The following IRAK3 variants were observed in gnomAD, a reference collection of about 807,000 sequenced individuals.
IRAK3 encodes the protein interleukin-1 receptor-associated kinase 3.
IRAK3 carries 57 observed loss-of-function variants against 56.6 expected under a neutral mutation model. That is an observed-to-expected ratio of 1.01 (90% CI 0.81 to 1.26). The LOEUF is 1.26. IRAK3 is among the 50% of genes most tolerant of loss of function. The pLI, the probability that IRAK3 is intolerant of heterozygous loss-of-function variation, is 0.00. For missense variants in IRAK3, 703 were observed against 719.0 expected (o/e 0.98, Z 0.25); for synonymous variants, 258 against 255.7 (o/e 1.01, Z -0.09).
intron 8 of IRAK3, among the ~76,000 whole-genome samples, chr12:66,233,154 C>G (rs2136943220): frequency 6.6e-6 from 1 of 152,236 alleles, no homozygotes; most frequent in Middle Eastern, 3.4e-3. Context: ...TTTACTGAAA[C>G]AGCTACAGCA....
At chr12:66,241,659 A>G (rs1049029608) in intron 8 of IRAK3, among the ~76,000 whole-genome samples, 1 of 152,194 alleles carries the variant, frequency 6.6e-6, no homozygotes, top group Non-Finnish European at 1.5e-5. Context: ...CTGGACTCAA[A>G]ATTTATGTTA....
chr12:66,214,553 A>G (rs2052647551), intron 5 of IRAK3, among the ~76,000 whole-genome samples: 1 of 151,822 alleles, frequency 6.6e-6, no homozygotes, highest in East Asian at 1.9e-4. Context: ...ACAAAACAAA[A>G]CAAAACAAAA....
intron 1 of IRAK3, among the ~76,000 whole-genome samples, chr12:66,200,210 G>A (rs2052493419): frequency 6.6e-6 from 1 of 152,206 alleles, no homozygotes; most frequent in African/African-American, 2.4e-5. Flanking sequence ...ATGACCTTGT[G>A]TATATCAGTC....
chr12:66,252,655 T>A lies in IRAK3; in HGVS notation c.*4484T>A, dbSNP rs1319614760. Reference sequence around the variant, plus strand: ...TGGAAACCAGCAAAGCTCACTGCCCTCATGGAGCTTATATGTAAGTGAATA... The same window carrying A: ...TGGAAACCAGCAAAGCTCACTGCCCACATGGAGCTTATATGTAAGTGAATA... On this transcript the variant is annotated 3_prime_UTR_variant, in exon 12 of 12. Coordinates refer to ENST00000261233, the MANE Select transcript of IRAK3 (RefSeq NM_007199.3). 1.3e-5 allele frequency: 2 copies of A among 152,220 alleles called. No individual in the cohort carries two copies. Among genetic ancestry groups the A allele is most frequent in the Admixed American group, 1.3e-4 (2 of 15,282 alleles). 9.4% of individuals were successfully genotyped at this position (152,220 alleles called of 1,614,324 possible).
At chr12:66,193,094 G>A (rs1257171553) in intron 1 of IRAK3, among the ~76,000 whole-genome samples, 7 of 151,920 alleles carry the variant, frequency 4.6e-5, no homozygotes, top group South Asian at 2.1e-4. Flanking sequence ...CGCAACCTCC[G>A]CCTCCCGGGT....
intron 2 of IRAK3, among the ~76,000 whole-genome samples, chr12:66,208,345 A>G (rs2052577281): frequency 8.6e-6 from 1 of 116,452 alleles, no homozygotes; most frequent in African/African-American, 4.5e-5. Context: ...ACACACACAA[A>G]CACACACACA....
At chr12:66,195,420 T>C (rs1350253168) in intron 1 of IRAK3, among the ~76,000 whole-genome samples, 1 of 152,202 alleles carries the variant, frequency 6.6e-6, no homozygotes, top group African/African-American at 2.4e-5. Context: ...GTAAAGCATA[T>C]GCTATCATTG....
At chr12:66,204,404 A>C (rs997316807) in intron 2 of IRAK3, among the ~76,000 whole-genome samples, 1 of 152,172 alleles carries the variant, frequency 6.6e-6, no homozygotes, top group African/African-American at 2.4e-5. Flanking sequence ...TTTACACCAC[A>C]GCGTTTAACC....
chr12:66,192,478 T>C (rs117524875), intron 1 of IRAK3, among the ~76,000 whole-genome samples: 7 of 152,270 alleles, frequency 4.6e-5, no homozygotes, highest in Non-Finnish European at 1.0e-4. Context: ...TTACCATAGA[T>C]TGGTATTTAA....
intron 5 of IRAK3, among the ~76,000 whole-genome samples, chr12:66,212,902 GA>G (rs1321689908): frequency 6.6e-6 from 1 of 152,098 alleles, no homozygotes; most frequent in Non-Finnish European, 1.5e-5. Flanking sequence ...GAAATGGGAG[GA>G]AGAGTATTAG....
At chr12:66,204,775 T>TGC (rs142792546) in intron 2 of IRAK3, among the ~76,000 whole-genome samples, 1,106 of 87,820 alleles carry the variant, frequency 0.013, 2 homozygotes, top group African/African-American at 0.02. Flanking sequence ...CATGAGCCCT[T>TGC]GCGCACACAC....
chr12:66,245,092 T>C lies in IRAK3; in HGVS notation c.1150-6T>C. On this transcript the variant is annotated splice_region_variant and splice_polypyrimidine_tract_variant and intron_variant, in intron 10 of 11. Transcript: ENST00000261233. ...CTGTGATAAAATTGTCTCCCTCTCT[T>C]CCAAGCGGGATCTCCTTAGAGAATT... is the stretch of plus-strand genomic sequence containing the variant. 1 of 1,614,074 alleles carries C rather than the reference T, an allele frequency of 6.2e-7. No individual in the cohort carries two copies. Among genetic ancestry groups the C allele is most frequent in the Non-Finnish European group, 8.5e-7 (1 of 1,179,950 alleles).
intron 1 of IRAK3, among the ~76,000 whole-genome samples, chr12:66,192,417 C>T (rs1209844992): frequency 1.3e-5 from 2 of 152,094 alleles, no homozygotes; most frequent in Admixed American, 1.3e-4. Context: ...ACGTTACAGA[C>T]ATGATAACGT....
rs2136910846 is a variant in IRAK3 at position 66,193,606 on chromosome 12, A to C, written c.133+4174A>C. On this transcript the variant is annotated intron_variant, in intron 1 of 11. Transcript: ENST00000261233. ...TATCCTCTGGCTCTTCTTGGCTGTG[A>C]TGGTTTCTCAGACTTTCCTCGTTTT... 4.7e-5 allele frequency among the ~76,000 whole-genome samples: 5 copies of C among 106,964 alleles called. 1 individual carries two copies. In the East Asian group the frequency reaches 1.4e-3, roughly 30 times the overall value. 70.2% of individuals were successfully genotyped at this position (106,964 alleles called of 152,430 possible). A position where few individuals can be genotyped will look rare whatever the true frequency, so the allele number is the denominator to read the frequency against.
At chr12:66,239,376 A>T (rs961249197) in intron 8 of IRAK3, among the ~76,000 whole-genome samples, 2 of 151,658 alleles carry the variant, frequency 1.3e-5, no homozygotes, top group African/African-American at 4.8e-5. Context: ...TTCCTCTCCA[A>T]AAGACTAGAA....
intron 2 of IRAK3, among the ~76,000 whole-genome samples, chr12:66,207,091 C>T (rs1288376773): frequency 1.3e-5 from 2 of 152,018 alleles, no homozygotes; most frequent in Non-Finnish European, 2.9e-5. Flanking sequence ...GAATCTCTTT[C>T]TTGGTCAGTT....
At chr12:66,224,306 G>C (rs1186016125) in intron 6 of IRAK3, among the ~76,000 whole-genome samples, 1 of 152,132 alleles carries the variant, frequency 6.6e-6, no homozygotes, top group Non-Finnish European at 1.5e-5. Context: ...TGTGACTAAG[G>C]CAGATGCAGC....
At chr12:66,198,137 G>A (rs1444245090) in intron 1 of IRAK3, 1 of 979,854 alleles carries the variant, frequency 1.0e-6, no homozygotes, top group Admixed American at 6.2e-5. Context: ...CTTCCAAAAG[G>A]TAAAGCTTCC....
chr12:66,221,443 T>C (rs1325334553), intron 6 of IRAK3, among the ~76,000 whole-genome samples: 1 of 152,194 alleles, frequency 6.6e-6, no homozygotes, highest in Non-Finnish European at 1.5e-5. Flanking sequence ...TTTCCTGAAC[T>C]TAGAGGAAAA....
Sources: allele counts gnomAD v4.1 joint callset (sites outside exome capture counted in the v4.1 genomes callset), GRCh38; gene constraint gnomAD v4.1.1; transcripts MANE v1.5; gene names NCBI Gene and HGNC (gene_info 2026-07-23, HGNC 2026-07-21).